Variants in GUCY2D observed in about 807,000 individuals in gnomAD.
GUCY2D encodes guanylate cyclase 2D, retinal, also known as retinal guanylyl cyclase 1.
A neutral mutation model predicts 101.3 loss-of-function variants in GUCY2D; 70 were observed. The ratio of observed to expected loss-of-function variants is 0.69; its 90% CI spans 0.57 to 0.84. The LOEUF (loss-of-function observed/expected upper bound fraction) is 0.84, where lower values mean the gene tolerates loss of function less well. Ranked by LOEUF, GUCY2D falls within the 40% of genes least tolerant of loss-of-function variation. GUCY2D has a pLI of 0.00. For synonymous variants in GUCY2D, 688 were observed against 670.7 expected, an observed-to-expected ratio of 1.03 and a Z score of -0.40; for missense variants, 1,460 against 1,542.5, an observed-to-expected ratio of 0.95 and a Z score of 0.90.
rs984736502 is a variant in GUCY2D, at chr17:8,011,785, T to C, written c.1750-359T>C. Among the ~76,000 whole-genome samples, 5 of 152,138 alleles carry C rather than the reference T, an allele frequency of 3.3e-5. No homozygotes were observed. Among genetic ancestry groups the C allele is most frequent in the Non-Finnish European group, 7.4e-5 (5 of 68,012 alleles). The stretch of plus-strand genomic sequence containing the variant: ...GAAAGGTAGCAGTGATTTATGATCA[T>C]GCCGCTGCACTCCAGTCTGGGCAAC... On this transcript the variant is annotated intron_variant, in intron 8 of 19. Transcript: ENST00000254854. This position sits in a 1 kb window ranked among gnomAD's most constrained non-coding sequence, Gnocchi z 4.3.
Position 8,003,693 on chromosome 17 carries a change from A to G in GUCY2D, c.646A>G (p.Thr216Ala), listed in dbSNP as rs1194995551. 3 of 1,597,638 alleles carry G rather than the reference A, an allele frequency of 1.9e-6. No individual in the cohort carries two copies. Among genetic ancestry groups the G allele is most frequent in the African/African-American group, 1.3e-5 (1 of 74,888 alleles). The change falls in exon 2 of 20, where the codon ACT (threonine) becomes GCT (alanine). Residue 216 changes from threonine (T) to alanine (A), a missense_variant. Thr to Ala is a moderately conservative substitution (Grantham distance 58). Transcript: ENST00000254854. ...CCGGGGCCTGCCTGTCGCCTCCGTG[A>G]CTTCCATGGAGCCCTTGGACCTGTC... Reference protein sequence around the residue: ...RARGLPVASVTSMEPLDLSGA... With the variant: ...RARGLPVASVASMEPLDLSGA...
Position 8,015,590 on chromosome 17 carries a change from C to T in GUCY2D, c.2944+88C>T, listed in dbSNP as rs1035919479. The T allele has an allele frequency of 4.6e-6, 6 of 1,304,988 alleles. No individual in the cohort carries two copies. The Admixed American group carries it at 7.8e-5, about 17-fold the overall frequency. The allele number at this position is 1,304,988 out of a possible 1,614,324, so 80.8% of individuals were successfully genotyped here. A position where few individuals can be genotyped will look rare whatever the true frequency, so the allele number is the denominator to read the frequency against. On this transcript the variant is annotated intron_variant, in intron 15 of 19. Coordinates refer to ENST00000254854, the MANE Select transcript of GUCY2D (RefSeq NM_000180.4). ...CCTGTAGAGGAGGCAACTCATGGAG[C>T]GGGGAGTGGGGCTTACCTTGAAGAG... is the stretch of plus-strand genomic sequence containing the variant.
At position 8,006,851 on chromosome 17, in the gene GUCY2D, G is replaced by T; in HGVS notation, c.1378+137G>T. 5 of 897,452 alleles carry T rather than the reference G, an allele frequency of 5.6e-6. No homozygotes were observed. The South Asian group carries it at 5.6e-5, about 10-fold the overall frequency. The allele number at this position is 897,452 out of a possible 1,614,324, so 55.6% of individuals were successfully genotyped here. ...CCTCTCCCAGCCTCTGGCTTGCACA[G>T]GACCCCTCTCTTGCTGAGCTCCAAA... On this transcript the variant is annotated intron_variant, in intron 4 of 19. Coordinates refer to ENST00000254854, the MANE Select transcript of GUCY2D (RefSeq NM_000180.4).
chr17:8,005,213 C>T (rs1975715600), intron 3 of GUCY2D, among the ~76,000 whole-genome samples: 1 of 152,174 alleles, frequency 6.6e-6, no homozygotes, highest in African/African-American at 2.4e-5. Context: ...TCCATCTTTA[C>T]TGTCACTGCC....
Position 8,002,710 on chromosome 17 carries a change from T to G in GUCY2D, c.-34T>G. On this transcript the variant is annotated 5_prime_UTR_variant, in exon 1 of 20. Transcript: ENST00000254854. This position sits in a 1 kb window ranked among gnomAD's most constrained non-coding sequence, Gnocchi z 4.9. ...CCCTGTGACCCCTCACCGGGGGCCGTGGGCCCGAGCCCCCGGACTTCCCTG... is the reference window on the plus strand; with the variant it reads ...CCCTGTGACCCCTCACCGGGGGCCGGGGGCCCGAGCCCCCGGACTTCCCTG... 7.2e-6 allele frequency: 1 copy of G among 139,438 alleles called. No homozygotes were observed. Among genetic ancestry groups the G allele is most frequent in the Non-Finnish European group, 1.1e-5 (1 of 88,390 alleles). 8.6% of individuals were successfully genotyped at this position (139,438 alleles called of 1,614,324 possible). A position where few individuals can be genotyped will look rare whatever the true frequency, so the allele number is the denominator to read the frequency against.
In GUCY2D at chr17:8,007,124, C is replaced by T; in HGVS notation, c.1443C>T (p.Ala481=). 1 of 1,613,410 alleles carries T rather than the reference C, an allele frequency of 6.2e-7. No individual in the cohort carries two copies. Among genetic ancestry groups the T allele is most frequent in the Non-Finnish European group, 8.5e-7 (1 of 1,179,326 alleles). The change falls in exon 5 of 20, where the codon GCC becomes GCT. Residue 481 remains alanine (A), a synonymous_variant. Transcript: ENST00000254854. ...LLVVGMGLAG[A]FLAHYVRHRL... is the part of the protein sequence containing the mutation. Reference sequence around the variant, plus strand: ...TGGTTGGGATGGGGCTGGCTGGGGCCTTCCTGGCCCATTATGTGAGGTGAG... The same window carrying T: ...TGGTTGGGATGGGGCTGGCTGGGGCTTTCCTGGCCCATTATGTGAGGTGAG...
In GUCY2D at chr17:8,018,702, C is replaced by T. The variant is rs560548493; in HGVS notation, c.*25-1426C>T. ...AGTCCCCTTTATCCAGATGTCGCCACTCCCCACAGACTCCGAGACACCAAG... is the reference window on the plus strand; with the variant it reads ...AGTCCCCTTTATCCAGATGTCGCCATTCCCCACAGACTCCGAGACACCAAG... On this transcript the variant is annotated intron_variant, in intron 19 of 19. Transcript: ENST00000254854. 4.9e-4 allele frequency among the ~76,000 whole-genome samples: 74 copies of T among 152,248 alleles called. 2 individuals carry two copies. The highest frequency in any genetic ancestry group is 1.7e-3 in the African/African-American group (69 of 41,520).
In GUCY2D at chr17:8,006,357, C is replaced by G. The variant is rs1181920120; in HGVS notation, c.1027-6C>G. ...CGACCTCTGAGCCCCTACTCTCCTT[C>G]TCCAGGTCTCCCCACTCTTTGGCAC... On this transcript the variant is annotated splice_polypyrimidine_tract_variant and splice_region_variant and intron_variant, in intron 3 of 19. Coordinates refer to ENST00000254854, the MANE Select transcript of GUCY2D (RefSeq NM_000180.4). 6.3e-7 allele frequency: 1 copy of G among 1,598,316 alleles called. No homozygotes were observed. Among genetic ancestry groups the G allele is most frequent in the East Asian group, 2.2e-5 (1 of 44,886 alleles).
At position 8,013,941 on chromosome 17, in the gene GUCY2D, G is replaced by T. The variant is rs368384232; in HGVS notation, c.2325G>T (p.Gln775His). 3 of 1,613,470 alleles carry T rather than the reference G, an allele frequency of 1.9e-6. No homozygotes were observed. The highest frequency in any genetic ancestry group is 2.7e-5 in the African/African-American group (2 of 74,930). The change falls in exon 12 of 20, where the codon CAG becomes CAT. Residue 775 changes from glutamine (Q) to histidine (H), a missense_variant. Transcript: ENST00000254854. The surrounding 1 kb of genome is among the most constrained non-coding windows in gnomAD (Gnocchi z 5.0). ...GTCGGCCCTTGGTGTCCATGGACCA[G>T]GCACCTGTCGAGTGTATCCTCCTGA... The part of the protein sequence containing the change: ...PLCRPLVSMD[Q>H]APVECILLMK...
Position 8,015,446 on chromosome 17 carries a change from T to A in GUCY2D, c.2888T>A (p.Phe963Tyr), listed in dbSNP as rs371367958. 6.2e-7 allele frequency: 1 copy of A among 1,613,628 alleles called. No individual in the cohort carries two copies. The highest frequency in any genetic ancestry group is 1.7e-5 in the Admixed American group (1 of 60,010). Residue 963 changes from phenylalanine (F) to tyrosine (Y), a missense_variant, in exon 15 of 20, where the codon TTC becomes TAC. Transcript: ENST00000254854. Reference sequence around the variant, plus strand: ...GACATCCTCAGTGCCGTGGGCACTTTCCGCATGCGCCATATGCCTGAGGTT... The same window carrying A: ...GACATCCTCAGTGCCGTGGGCACTTACCGCATGCGCCATATGCCTGAGGTT... ...SLDILSAVGT[F>Y]RMRHMPEVPV...
In GUCY2D at chr17:8,011,107, C is replaced by T. The variant is rs1004596233; in HGVS notation, c.1750-1037C>T. Reference sequence around the variant, plus strand: ...AGTGGCACAGCTTCAGGCCGGGCACCGTGGCTCACGCCTGTAATCCCAGCA... The same window carrying T: ...AGTGGCACAGCTTCAGGCCGGGCACTGTGGCTCACGCCTGTAATCCCAGCA... On this transcript the variant is annotated intron_variant, in intron 8 of 19. Transcript: ENST00000254854. This position sits in a 1 kb window ranked among gnomAD's most constrained non-coding sequence, Gnocchi z 4.3. Among the ~76,000 whole-genome samples the T allele has an allele frequency of 1.1e-4, 16 of 151,344 alleles. No homozygotes were observed. Among genetic ancestry groups the T allele is most frequent in the Admixed American group, 3.3e-4 (5 of 15,206 alleles).
At chr17:8,016,348 GTGTC>G in intron 18 of GUCY2D, 58 bp downstream of exon 18, 1 of 1,445,378 alleles carries the variant, frequency 6.9e-7, no homozygotes, top group Non-Finnish European at 9.5e-7. Flanking sequence ...CTCCTGCTCT[GTGTC>G]TGACCCCCCG....
intron 19 of GUCY2D, among the ~76,000 whole-genome samples, chr17:8,017,278 G>A (rs1388520642): frequency 6.6e-6 from 1 of 152,130 alleles, no homozygotes; most frequent in African/African-American, 2.4e-5. Flanking sequence ...GGTGGCTTGT[G>A]GCCCTCACCC....
In GUCY2D at chr17:8,012,108, T is replaced by C. The variant is rs781136461; in HGVS notation, c.1750-36T>C. On this transcript the variant is annotated intron_variant, in intron 8 of 19. Coordinates refer to ENST00000254854, the MANE Select transcript of GUCY2D (RefSeq NM_000180.4). The stretch of plus-strand genomic sequence containing the variant: ...TAACAGCCCCTTCCCCACATTGCCC[T>C]GGGCAGAAAATGCAAGTCAACTCTC... 5 of 1,482,904 alleles carry C rather than the reference T, an allele frequency of 3.4e-6. No individual in the cohort carries two copies. The East Asian group carries it at 1.1e-4, about 34-fold the overall frequency. The allele number at this position is 1,482,904 out of a possible 1,614,324, so 91.9% of individuals were successfully genotyped here. A position where few individuals can be genotyped will look rare whatever the true frequency, so the allele number is the denominator to read the frequency against.
chr17:8,006,650 TGG>T lies in GUCY2D; in HGVS notation c.1318_1319del (p.Gly440IlefsTer6). ...CCGGTACCCGGATGCACTTCCCGCG[TGG>T]GGGATCAGCACCCGGACCTGACCCC... ...SAGTRMHFPRGGSAPGPDPSC... is the reference protein window; with the variant it reads ...SAGTRMHFPRXGSAPGPDPSC... On this transcript the variant is annotated frameshift_variant, in exon 4 of 20. Transcript: ENST00000254854. LOFTEE classifies it high-confidence loss of function. The T allele has an allele frequency of 6.2e-7, 1 of 1,612,782 alleles. No individual in the cohort carries two copies. The highest frequency in any genetic ancestry group is 8.5e-7 in the Non-Finnish European group (1 of 1,179,528).
rs745956774 is a variant in GUCY2D at position 8,018,832 on chromosome 17, CCTT to C, written c.*25-1292_*25-1290del. ...ACAGGGGCTCCTGGACGGGACTTTG[CCTT>C]CTTTTTTTTTTTTTTAAACTGATTC... On this transcript the variant is annotated intron_variant, in intron 19 of 19. Coordinates refer to ENST00000254854, the MANE Select transcript of GUCY2D (RefSeq NM_000180.4). Among the ~76,000 whole-genome samples, 9 of 151,584 alleles carry C rather than the reference CCTT, an allele frequency of 5.9e-5. No homozygotes were observed. The South Asian group carries it at 1.7e-3, about 28-fold the overall frequency.
At chr17:8,005,697 A>G (rs1176283103) in intron 3 of GUCY2D, among the ~76,000 whole-genome samples, 1 of 152,062 alleles carries the variant, frequency 6.6e-6, no homozygotes, top group African/African-American at 2.4e-5. Context: ...TACTCATTGC[A>G]CTGCCTGAAC....
In GUCY2D at chr17:8,003,104, C is replaced by G. The variant is rs1296984909; in HGVS notation, c.57C>G (p.Pro19=). 1 of 1,522,918 alleles carries G rather than the reference C, an allele frequency of 6.6e-7. No individual in the cohort carries two copies. The highest frequency in any genetic ancestry group is 2.5e-5 in the East Asian group (1 of 39,594). 94.3% of individuals were successfully genotyped at this position (1,522,918 alleles called of 1,614,324 possible). The change falls in exon 2 of 20, where the codon CCC becomes CCG. Residue 19 remains proline (P), a synonymous_variant. Transcript: ENST00000254854. ...TTCCGGACCCCGGGCTCTGCGGTCCCGCGTGGTGGGCTCCGTCCCTGCCCC... is the reference window on the plus strand; with the variant it reads ...TTCCGGACCCCGGGCTCTGCGGTCCGGCGTGGTGGGCTCCGTCCCTGCCCC... The part of the protein sequence containing the change: ...GGLPDPGLCG[P]AWWAPSLPRL...
intron 3 of GUCY2D, 31 bp from the exon 4 acceptor site, chr17:8,006,332 C>T (rs752715015): frequency 6.4e-6 from 10 of 1,553,482 alleles, no homozygotes; most frequent in Middle Eastern, 1.7e-4. Context: ...GCTGTGACCC[C>T]GACCTCTGAG....
Sources: gnomAD v4.1 joint callset for allele counts (sites outside exome capture counted in the v4.1 genomes callset) on GRCh38, gnomAD v4.1.1 for gene constraint, Gnocchi (gnomAD v3.1) non-coding constraint, MANE v1.5 for transcripts, NCBI Gene and HGNC (gene_info 2026-07-23, HGNC 2026-07-21) for gene names.